Variants in DHX36 observed in about 807,000 individuals in gnomAD.
DHX36 encodes ATP-dependent DNA/RNA helicase DHX36.
Under a neutral mutation model 139.0 loss-of-function variants are expected in DHX36, and 50 were observed. The ratio of observed to expected loss-of-function variants is 0.36; its 90% CI spans 0.29 to 0.46. The LOEUF (loss-of-function observed/expected upper bound fraction) is 0.46, where lower values mean the gene tolerates loss of function less well. DHX36 is among the 20% of genes least tolerant of loss of function. The pLI is 1.00. For synonymous variants in DHX36, 425 were observed against 401.9 expected (o/e 1.06, Z -0.69); for missense variants, 1,024 against 1,211.3 (o/e 0.85, Z 2.29).
chr3:154,324,074 C>T, intron 1 of DHX36, 100 bp downstream of exon 1: 4 of 1,304,774 alleles, frequency 3.1e-6, no homozygotes, highest in South Asian at 1.5e-5. Context: ...TCACAAAACA[C>T]GTGCATCACT....
chr3:154,280,334 C>A lies in DHX36; in HGVS notation c.2567+245G>T, dbSNP rs898128637. The A allele has an allele frequency of 1.0e-5, 4 of 381,686 alleles. No homozygotes were observed. The East Asian group carries it at 1.3e-4, about 12-fold the overall frequency. 23.6% of individuals were successfully genotyped at this position (381,686 alleles called of 1,614,324 possible). On this transcript the variant is annotated intron_variant, in intron 22 of 24. Coordinates refer to ENST00000496811, the MANE Select transcript of DHX36 (RefSeq NM_020865.3). ...CAGGCTGGCTCTTCTAATATTTACA[C>A]TGGTATCATGTGGTAGCATTCTTTG...
At chr3:154,306,933 C>A (rs912719812) in intron 5 of DHX36, among the ~76,000 whole-genome samples, 8 of 151,960 alleles carry the variant, frequency 5.3e-5, no homozygotes, top group Non-Finnish European at 1.2e-4. Flanking sequence ...CCACATTAAC[C>A]TGTCTACTCA....
chr3:154,307,576 C>T (rs995535855), intron 5 of DHX36, among the ~76,000 whole-genome samples: 15 of 152,036 alleles, frequency 9.9e-5, no homozygotes, highest in Non-Finnish European at 2.2e-4. Flanking sequence ...TATCATCTTA[C>T]CCCAGTCAAA....
At chr3:154,285,668 A>C (rs1711524654) in intron 17 of DHX36, among the ~76,000 whole-genome samples, 1 of 152,216 alleles carries the variant, frequency 6.6e-6, no homozygotes, top group East Asian at 1.9e-4. Context: ...ATCTATAAAG[A>C]ATTTTGTAAA....
chr3:154,292,644 T>G lies in DHX36; in HGVS notation c.1721A>C (p.Glu574Ala). 1 of 1,614,054 alleles carries G rather than the reference T, an allele frequency of 6.2e-7. No homozygotes were observed. The highest frequency in any genetic ancestry group is 1.7e-5 in the Admixed American group (1 of 59,998). ...VYVIDGGKIKETHFDTQNNIS... is the reference protein window; with the variant it reads ...VYVIDGGKIKATHFDTQNNIS... The stretch of plus-strand genomic sequence containing the variant: ...ATTGTTCTGAGTATCAAAATGCGTC[T>G]CTTTTATTTTTCCTCCATCTATCAC... The change falls in exon 15 of 25, where the codon GAG (glutamate) becomes GCG (alanine). Residue 574 changes from glutamate to alanine, a missense_variant. Physicochemically the swap from Glu to Ala is moderately radical, Grantham distance 107. Transcript: ENST00000496811.
At chr3:154,312,862 T>TAG (rs2108362675) in intron 3 of DHX36, among the ~76,000 whole-genome samples, 1 of 30,880 alleles carries the variant, frequency 3.2e-5, no homozygotes, top group African/African-American at 1.9e-4. Context: ...AATATATATA[T>TAG]ATATATATAT....
At position 154,324,207 on chromosome 3, in the gene DHX36, CTG is replaced by C; in HGVS notation, c.208_209del (p.Gln70GlyfsTer19). ...REIGMWYAKK[Q>X]GQKNKEAERQ... ...TCTCCGCTTCCTTGTTCTTCTGCCC[CTG>C]TTTTTTCGCGTACCACATGCCGATT... On this transcript the variant is annotated frameshift_variant, in exon 1 of 25. Coordinates refer to ENST00000496811, the MANE Select transcript of DHX36 (RefSeq NM_020865.3). LOFTEE classifies it high-confidence loss of function. 1 of 1,613,338 alleles carries C rather than the reference CTG, an allele frequency of 6.2e-7. No homozygotes were observed. Among genetic ancestry groups the C allele is most frequent in the Non-Finnish European group, 8.5e-7 (1 of 1,179,534 alleles).
In DHX36 at chr3:154,272,991, T is replaced by C. The variant is rs1719040568; in HGVS notation, c.*3180A>G. 6.6e-6 allele frequency: 1 copy of C among 152,216 alleles called. No individual in the cohort carries two copies. The highest frequency in any genetic ancestry group is 2.4e-5 in the African/African-American group (1 of 41,460). The allele number at this position is 152,216 out of a possible 1,614,324, so 9.4% of individuals were successfully genotyped here. On this transcript the variant is annotated 3_prime_UTR_variant, in exon 25 of 25. Transcript: ENST00000496811. ...ATTAATTAATTGGGAAGGCATCACATGTGCTCACTGTTCAACGATGCTTTT... is the reference window on the plus strand; with the variant it reads ...ATTAATTAATTGGGAAGGCATCACACGTGCTCACTGTTCAACGATGCTTTT...
Position 154,284,870 on chromosome 3 carries a change from G to C in DHX36, c.2149C>G (p.Pro717Ala). Residue 717 changes from proline (P) to alanine (A), a missense_variant, in exon 18 of 25, where the codon CCA (proline) becomes GCA (alanine). Physicochemically the swap from Pro to Ala is conservative, Grantham distance 27. This residue lies in a region of DHX36 where 470 missense variants were observed against 616.2 expected (regional missense o/e 0.76). Transcript: ENST00000496811. ...AGACTAGCAGCAATAGTGAGTACTG[G>C]GTCTAAGCAGCAGAACAGTGCTCCA... is the stretch of plus-strand genomic sequence containing the variant. The part of the protein sequence containing the change: ...LFGALFCCLD[P>A]VLTIAASLSF... 6.2e-7 allele frequency: 1 copy of C among 1,614,078 alleles called. No homozygotes were observed. The highest frequency in any genetic ancestry group is 8.5e-7 in the Non-Finnish European group (1 of 1,180,006).
intron 12 of DHX36, among the ~76,000 whole-genome samples, chr3:154,297,124 T>A (rs1712075173): frequency 6.6e-6 from 1 of 151,624 alleles, no homozygotes; most frequent in African/African-American, 2.4e-5. Flanking sequence ...AAGCAGGGAG[T>A]GGAGGGGAGC....
At position 154,309,807 on chromosome 3, in the gene DHX36, A is replaced by G. The variant is rs896783106; in HGVS notation, c.659T>C (p.Ile220Thr). ...TATTACTGTTACCTGATGGTTATCA[A>G]TTAAATTTACCAATTCCTATTTCAA... ...YGMQKELVNL[I>T]DNHQVTVISG... Residue 220 changes from isoleucine to threonine, a missense_variant, in exon 5 of 25, where the codon ATT (isoleucine) becomes ACT (threonine). Ile to Thr is a moderately conservative substitution (Grantham distance 89). This residue lies in a region of DHX36 where 293 missense variants were observed against 274.4 expected (regional missense o/e 1.07). Coordinates refer to ENST00000496811, the MANE Select transcript of DHX36 (RefSeq NM_020865.3). The G allele has an allele frequency of 6.2e-7, 1 of 1,601,394 alleles. No individual in the cohort carries two copies. Among genetic ancestry groups the G allele is most frequent in the Non-Finnish European group, 8.5e-7 (1 of 1,174,958 alleles).
rs997033597 is a variant in DHX36, at chr3:154,282,320, T to C, written c.2376+868A>G. Among the ~76,000 whole-genome samples the C allele has an allele frequency of 6.1e-4, 93 of 152,236 alleles. 1 individual carries two copies. Among genetic ancestry groups the C allele is most frequent in the African/African-American group, 2.1e-3 (87 of 41,568 alleles). On this transcript the variant is annotated intron_variant, in intron 20 of 24. Coordinates refer to ENST00000496811, the MANE Select transcript of DHX36 (RefSeq NM_020865.3). ...ATAAACTGTGATTACTTCAAGCTTT[T>C]TTCCTATGGCAATAACTTGTTTTTA...
Position 154,316,133 on chromosome 3 carries a change from C to A in DHX36, c.274G>T (p.Glu92Ter). The change falls in exon 2 of 25, where the codon GAA (glutamate) becomes TAA (stop). Residue 92 changes from glutamate to a stop codon, truncating the protein, a stop_gained. Coordinates refer to ENST00000496811, the MANE Select transcript of DHX36 (RefSeq NM_020865.3). LOFTEE classifies it high-confidence loss of function. ...RAVVHMDERR[E>*]EQIVQLLNSV... is the part of the protein sequence containing the mutation. ...TTCAGTAACTGTACAATTTGTTCTT[C>A]TCGTCGTTCATCCATGTGTACTACA... The A allele has an allele frequency of 6.2e-7, 1 of 1,613,242 alleles. No individual in the cohort carries two copies. Among genetic ancestry groups the A allele is most frequent in the Non-Finnish European group, 8.5e-7 (1 of 1,179,502 alleles).
Position 154,292,545 on chromosome 3 carries a change from C to A in DHX36, c.1814+6G>T. 1.9e-6 allele frequency: 3 copies of A among 1,614,052 alleles called. No individual in the cohort carries two copies. Among genetic ancestry groups the A allele is most frequent in the Non-Finnish European group, 2.5e-6 (3 of 1,179,978 alleles). ...CTAAAAGCTTTGGACAGAGTTCCCACCTTACCTTCCAGCTCGACCTTTTCT... is the reference window on the plus strand; with the variant it reads ...CTAAAAGCTTTGGACAGAGTTCCCAACTTACCTTCCAGCTCGACCTTTTCT... On this transcript the variant is annotated splice_donor_region_variant and intron_variant, in intron 15 of 24. Transcript: ENST00000496811.
rs543903099 is a variant in DHX36, at chr3:154,301,105, G to A, written c.1240C>T (p.His414Tyr). 8.4e-5 allele frequency: 135 copies of A among 1,602,070 alleles called. 3 individuals carry two copies. In the South Asian group the frequency reaches 1.5e-3, roughly 17 times the overall value. Residue 414 changes from histidine to tyrosine, a missense_variant, in exon 10 of 25, where the codon CAC becomes TAC. His to Tyr is a moderately conservative substitution (Grantham distance 83, BLOSUM62 2). This residue lies in a region of DHX36 where 115 missense variants were observed against 105.6 expected (regional missense o/e 1.09). Coordinates refer to ENST00000496811, the MANE Select transcript of DHX36 (RefSeq NM_020865.3). ...AAACCCCTCTTAAACTGGGATCTGT[G>A]TTCTTTTTGTTCTGGAACATACCTA... is the stretch of plus-strand genomic sequence containing the variant. ...KIRYVPEQKE[H>Y]RSQFKRGFMQ...
At chr3:154,315,380 C>T in intron 2 of DHX36, 100 bp from the exon 3 acceptor site, 1 of 752,360 alleles carries the variant, frequency 1.3e-6, no homozygotes, top group Non-Finnish European at 2.1e-6. Context: ...ATTTCAAAGT[C>T]ATCCAAATCC....
At chr3:154,300,881 C>T in intron 10 of DHX36, 106 bp downstream of exon 10, 1 of 1,481,738 alleles carries the variant, frequency 6.7e-7, no homozygotes, top group Non-Finnish European at 9.2e-7. Flanking sequence ...AAGAGACTCA[C>T]AATGCTCTCC....
intron 3 of DHX36, among the ~76,000 whole-genome samples, chr3:154,312,580 C>T (rs956341485): frequency 1.3e-5 from 2 of 151,704 alleles, no homozygotes; most frequent in African/African-American, 4.8e-5. Context: ...TGGTGGCTCA[C>T]GCCTGTAATC....
chr3:154,300,075 T>G lies in DHX36; in HGVS notation c.1462-150A>C, dbSNP rs191014714. 957 of 592,248 alleles carry G rather than the reference T, an allele frequency of 1.6e-3. 7 individuals are homozygous for G. The highest frequency in any genetic ancestry group is 0.016 in the African/African-American group (848 of 53,316). The allele number at this position is 592,248 out of a possible 1,614,324, so 36.7% of individuals were successfully genotyped here. ...TAAAAGTATATAAGCTTTTTTTTTT[T>G]AATTATTGTTTTTGAGAGAGTCTTG... On this transcript the variant is annotated intron_variant, in intron 11 of 24. Transcript: ENST00000496811.
Sources: gnomAD v4.1 joint callset for allele counts (sites outside exome capture counted in the v4.1 genomes callset) on GRCh38, gnomAD v4.1.1 for gene constraint, gnomAD v4.1.1 regional missense constraint, MANE v1.5 for transcripts, NCBI Gene and HGNC (gene_info 2026-07-23, HGNC 2026-07-21) for gene names.